The following PCF11 variants were observed in gnomAD, a reference collection of about 807,000 sequenced individuals.
The protein encoded by PCF11 is pre-mRNA cleavage complex 2 protein Pcf11.
A neutral mutation model predicts 166.1 loss-of-function variants in PCF11; 19 were observed. The ratio of observed to expected loss-of-function variants is 0.11; its 90% confidence interval spans 0.08 to 0.17. The LOEUF (loss-of-function observed/expected upper bound fraction) is 0.17. PCF11 is among the 10% of genes least tolerant of loss of function. PCF11 has a pLI of 1.00. For synonymous variants in PCF11, 663 were observed against 644.1 expected, an observed-to-expected ratio of 1.03 and a Z score of -0.44; for missense variants, 1,565 against 1,855.5, an observed-to-expected ratio of 0.84 and a Z score of 2.88.
At chr11:83,187,420 CTG>C (rs1220577604) in exon 16 of PCF11, 2 of 152,154 alleles carry the variant, frequency 1.3e-5, no homozygotes, top group African/African-American at 4.8e-5. Context: ...AATACTCTAA[CTG>C]TTGACCTAAG....
At position 83,161,318 on chromosome 11, in the gene PCF11, T is replaced by G; in HGVS notation, c.193-9T>G. 6.3e-7 allele frequency: 1 copy of G among 1,586,940 alleles called. No homozygotes were observed. The highest frequency in any genetic ancestry group is 8.5e-7 in the Non-Finnish European group (1 of 1,170,392). ...ATTATACTAAACTTCTCAGTTTCTT[T>G]TTATTCAGGCTCCTTCCTCAGAGAA... On this transcript the variant is annotated splice_polypyrimidine_tract_variant and intron_variant, in intron 1 of 15. Coordinates refer to ENST00000298281, the Ensembl canonical transcript of PCF11.
At position 83,167,528 on chromosome 11, in the gene PCF11, G is replaced by C; in HGVS notation, c.2092+23G>C. 1 of 1,607,212 alleles carries C rather than the reference G, an allele frequency of 6.2e-7. No individual in the cohort carries two copies. The highest frequency in any genetic ancestry group is 8.5e-7 in the Non-Finnish European group (1 of 1,176,510). On this transcript the variant is annotated intron_variant, in intron 7 of 15. Transcript: ENST00000298281. This position sits in a 1 kb window ranked among gnomAD's most constrained non-coding sequence, Gnocchi z 4.2. The stretch of plus-strand genomic sequence containing the variant: ...AAGGTAAACATAGATGCAATGTACG[G>C]GATAGTCCTACAGAAGAAAATAAAG...
At chr11:83,163,610 A>G in intron 2 of PCF11, 69 bp from the exon 3 acceptor site, 1 of 518,042 alleles carries the variant, frequency 1.9e-6, no homozygotes, top group Non-Finnish European at 3.2e-6. Context: ...AGATTTATAT[A>G]ACTTATATTT....
intron 2 of PCF11, among the ~76,000 whole-genome samples, chr11:83,162,336 T>C (rs1298612175): frequency 6.6e-6 from 1 of 152,246 alleles, no homozygotes; most frequent in Admixed American, 6.5e-5. Context: ...GGAAGAACTA[T>C]TCAGTATTAG....
Position 83,160,321 on chromosome 11 carries a change from G to GTTTTTTTTTTTTTTTTTTTTTTTTT in PCF11, c.193-984_193-983insTTTTTTTTTTTTTTTTTTTTTTTTT, listed in dbSNP as rs35201107. Among the ~76,000 whole-genome samples, 8 of 91,266 alleles carry GTTTTTTTTTTTTTTTTTTTTTTTTT rather than the reference G, an allele frequency of 8.8e-5. 1 individual carries two copies. Among genetic ancestry groups the GTTTTTTTTTTTTTTTTTTTTTTTTT allele is most frequent in the African/African-American group, 1.3e-4 (3 of 23,404 alleles). The allele number at this position is 91,266 out of a possible 152,430, so 59.9% of individuals were successfully genotyped here. A position where few individuals can be genotyped will look rare whatever the true frequency, so the allele number is the denominator to read the frequency against. ...GGGTGGGTAAATGGGGATAACCTAA[G>GTTTTTTTTTTTTTTTTTTTTTTTTT]TTTTTTTTTTTTTTTTTTTTTTGTC... On this transcript the variant is annotated intron_variant, in intron 1 of 15. Transcript: ENST00000298281.
intron 1 of PCF11, among the ~76,000 whole-genome samples, chr11:83,160,469 C>G (rs148630823): frequency 8.6e-5 from 13 of 151,880 alleles, no homozygotes; most frequent in South Asian, 2.1e-4. Context: ...CTTGCTGTGC[C>G]TTCTAAAAGC....
exon 8 of PCF11, chr11:83,169,830 A>G (rs757793286): frequency 6.2e-7 from 1 of 1,613,804 alleles, no homozygotes; most frequent in South Asian, 1.1e-5. Context: ...CTCAAGGACC[A>G]AATTTTAATG....
Position 83,159,199 on chromosome 11 carries a change from C to CT in PCF11, c.192+1578dup, listed in dbSNP as rs200191207. On this transcript the variant is annotated intron_variant, in intron 1 of 15. Coordinates refer to ENST00000298281, the Ensembl canonical transcript of PCF11. ...TCCTGTGAAAGTGTATGTAAAACAG[C>CT]TTTTTTTTTTAAGTGTGAGATTTAA... Among the ~76,000 whole-genome samples the CT allele has an allele frequency of 5.6e-3, 826 of 148,598 alleles. 15 individuals carry two copies. Among genetic ancestry groups the CT allele is most frequent in the Admixed American group, 0.034 (505 of 14,908 alleles).
At chr11:83,177,011 A>G (rs928325060) in intron 9 of PCF11, 74 bp from the exon 10 acceptor site, 1 of 1,069,284 alleles carries the variant, frequency 9.4e-7, no homozygotes, top group Non-Finnish European at 1.2e-6. Flanking sequence ...AAAAATGCTT[A>G]GTATAATTTG....
chr11:83,182,955 C>T (rs1027468211), intron 14 of PCF11, 83 bp from the exon 15 acceptor site: 6 of 866,878 alleles, frequency 6.9e-6, no homozygotes, highest in Middle Eastern at 2.1e-4. Flanking sequence ...AGACTATCTT[C>T]TGGCTTAAAG....
rs201630434 is a variant in PCF11, at chr11:83,169,115, C to T, written c.2780C>T (p.Ala927Val). The T allele has an allele frequency of 3.1e-4, 504 of 1,612,894 alleles. No homozygotes were observed. Among genetic ancestry groups the T allele is most frequent in the Non-Finnish European group, 3.8e-4 (453 of 1,179,636 alleles). ...GGGGGTCATGGTCCATCAGGGGCTG[C>T]GATTAGGTTTGATGGACCTCATGGT... Residue 927 changes from alanine (A) to valine (V), a missense_variant, in exon 8 of 16, where the codon GCG becomes GTG. Around this residue, in one of 12 missense-constraint regions of PCF11, gnomAD observed 725 missense variants for 749.3 expected, o/e 0.97. Transcript: ENST00000298281.
chr11:83,177,868 C>A, intron 11 of PCF11, 49 bp downstream of exon 11: 2 of 809,874 alleles, frequency 2.5e-6, no homozygotes, highest in Non-Finnish European at 4.0e-6. Context: ...ACTTTAATAA[C>A]ACTGTTATAG....
chr11:83,176,430 C>T (rs968518661), intron 9 of PCF11, among the ~76,000 whole-genome samples: 1 of 152,134 alleles, frequency 6.6e-6, no homozygotes, highest in Admixed American at 6.5e-5. Flanking sequence ...AGACTTGGAA[C>T]CAACCCAAAT....
At chr11:83,166,037 C>T in exon 5 of PCF11, 6 of 1,602,182 alleles carry the variant, frequency 3.7e-6, no homozygotes, top group Non-Finnish European at 5.1e-6. Flanking sequence ...AATTATCTCA[C>T]ACAAAAGACT....
At chr11:83,166,036 A>T (rs772617399) in exon 5 of PCF11, 1 of 1,602,126 alleles carries the variant, frequency 6.2e-7, no homozygotes, top group Admixed American at 1.8e-5. Flanking sequence ...AAATTATCTC[A>T]CACAAAAGAC....
chr11:83,166,051 A>G, exon 5 of PCF11: 1 of 1,601,936 alleles, frequency 6.2e-7, no homozygotes. Context: ...AAAGACTTGA[A>G]AAATCAAGAA....
exon 14 of PCF11, chr11:83,182,440 T>C (rs1861115258): frequency 6.3e-7 from 1 of 1,581,168 alleles, no homozygotes; most frequent in Non-Finnish European, 8.7e-7. Context: ...AATACTGGGA[T>C]GAAGAAGAGG....
At chr11:83,173,543 C>G (rs965592259) in intron 9 of PCF11, among the ~76,000 whole-genome samples, 7 of 146,694 alleles carry the variant, frequency 4.8e-5, no homozygotes, top group African/African-American at 1.8e-4. Flanking sequence ...TTTAGAGAAT[C>G]AAATGATATA....
intron 15 of PCF11, among the ~76,000 whole-genome samples, chr11:83,183,843 C>T (rs1197252380): frequency 3.9e-5 from 6 of 151,948 alleles, no homozygotes; most frequent in South Asian, 2.1e-4. Flanking sequence ...TGATACCAGT[C>T]GTTGACCTTA....
Sources: allele counts gnomAD v4.1 joint callset (sites outside exome capture counted in the v4.1 genomes callset), GRCh38; gene constraint gnomAD v4.1.1; regional missense constraint gnomAD v4.1.1; non-coding constraint Gnocchi (gnomAD v3.1); transcripts MANE v1.5; gene names NCBI Gene and HGNC (gene_info 2026-07-23, HGNC 2026-07-21).